The following CDH13 variants were observed in gnomAD, a reference collection of about 807,000 sequenced individuals.
CDH13 encodes cadherin-13.
In CDH13, 24 loss-of-function variants were observed where a neutral mutation model predicts 63.8. The observed-to-expected ratio is 0.38, with a 90% CI of 0.27 to 0.53. CDH13 has a LOEUF of 0.53. CDH13 is among the 20% of genes least tolerant of loss of function. CDH13 has a pLI of 0.85. For missense variants in CDH13, 1,049 were observed against 903.1 expected (o/e 1.16, Z -2.07); for synonymous variants, 503 against 355.3 (o/e 1.42, Z -4.67).
chr16:83,344,855 C>A lies in CDH13; in HGVS notation c.637-7C>A, dbSNP rs2090803305. 2 of 1,613,344 alleles carry A rather than the reference C, an allele frequency of 1.2e-6. No homozygotes were observed. The highest frequency in any genetic ancestry group is 1.1e-5 in the South Asian group (1 of 91,016). On this transcript the variant is annotated splice_polypyrimidine_tract_variant and splice_region_variant and intron_variant, in intron 5 of 13. Coordinates refer to ENST00000567109, the MANE Select transcript of CDH13 (RefSeq NM_001257.5). ...TTCTTTCTCCCCCAATCTCTTTGCTCAAATAGCTATTTGTGGAGACCACTG... is the reference window on the plus strand; with the variant it reads ...TTCTTTCTCCCCCAATCTCTTTGCTAAAATAGCTATTTGTGGAGACCACTG...
chr16:83,138,645 T>C (rs2036400895), intron 4 of CDH13, among the ~76,000 whole-genome samples: 1 of 152,120 alleles, frequency 6.6e-6, no homozygotes, highest in Non-Finnish European at 1.5e-5. Context: ...AAAACTACTG[T>C]ATGGAATTTG....
chr16:83,730,668 T>G (rs1161366065), intron 10 of CDH13, among the ~76,000 whole-genome samples: 2 of 152,218 alleles, frequency 1.3e-5, no homozygotes, highest in Admixed American at 1.3e-4. Flanking sequence ...TGGTTTGTGG[T>G]TTTTTTGAGC....
At chr16:83,380,662 A>T (rs1353768450) in intron 6 of CDH13, among the ~76,000 whole-genome samples, 1 of 152,158 alleles carries the variant, frequency 6.6e-6, no homozygotes, top group African/African-American at 2.4e-5. Context: ...TTCATGGCTC[A>T]AGGTGGCTGA....
At chr16:83,320,360 C>G (rs1215404297) in intron 5 of CDH13, among the ~76,000 whole-genome samples, 1 of 152,058 alleles carries the variant, frequency 6.6e-6, no homozygotes, top group East Asian at 1.9e-4. Flanking sequence ...TTGTCCTTTT[C>G]AGACCCAGAC....
chr16:83,476,739 T>C (rs11644762), intron 6 of CDH13, among the ~76,000 whole-genome samples: 107,328 of 152,142 alleles, frequency 0.71, 38,415 homozygotes, highest in East Asian at 0.95. Flanking sequence ...TTTGTTGTTT[T>C]TAAGAGTTTA....
At chr16:83,452,274 G>C (rs772316266) in intron 6 of CDH13, among the ~76,000 whole-genome samples, 26 of 152,152 alleles carry the variant, frequency 1.7e-4, no homozygotes, top group Non-Finnish European at 3.4e-4. Flanking sequence ...TTGTGCAGAG[G>C]ATTTAGCTGC....
chr16:83,217,808 C>T (rs1243985357), intron 5 of CDH13, among the ~76,000 whole-genome samples: 2 of 152,122 alleles, frequency 1.3e-5, no homozygotes, highest in African/African-American at 2.4e-5. Flanking sequence ...CAGAGACCAG[C>T]TTGATGATCT....
At chr16:82,926,657 GA>G (rs2042312069) in intron 2 of CDH13, among the ~76,000 whole-genome samples, 2 of 152,184 alleles carry the variant, frequency 1.3e-5, no homozygotes, top group African/African-American at 2.4e-5. Context: ...AAGCTTTCGA[GA>G]AGACAGATAA....
chr16:82,823,734 A>C (rs1229157383), intron 1 of CDH13: 1 of 152,166 alleles, frequency 6.6e-6, no homozygotes, highest in Non-Finnish European at 1.5e-5. Flanking sequence ...TTGAAAGATA[A>C]ATGTATATGT....
At chr16:83,265,176 A>G (rs796366729) in intron 5 of CDH13, among the ~76,000 whole-genome samples, 4 of 152,080 alleles carry the variant, frequency 2.6e-5, no homozygotes, top group African/African-American at 7.2e-5. Context: ...AATTCTCTGT[A>G]TTTCTGCTCT....
At chr16:82,857,558 G>A (rs1409431322) in intron 1 of CDH13, among the ~76,000 whole-genome samples, 4 of 152,140 alleles carry the variant, frequency 2.6e-5, no homozygotes, top group African/African-American at 4.8e-5. Flanking sequence ...TCCAAATCAC[G>A]TAACCTAAAT....
At chr16:82,680,111 G>A (rs145820876) in intron 1 of CDH13, among the ~76,000 whole-genome samples, 23 of 152,254 alleles carry the variant, frequency 1.5e-4, no homozygotes, top group Admixed American at 2.6e-4. Context: ...GTCTTCCAGC[G>A]TAGGTCATTG....
In CDH13 at chr16:83,795,321, G is replaced by C; in HGVS notation, c.*291G>C. 2.4e-6 allele frequency: 1 copy of C among 423,688 alleles called. No homozygotes were observed. The highest frequency in any genetic ancestry group is 4.3e-6 in the Non-Finnish European group (1 of 234,346). The allele number at this position is 423,688 out of a possible 1,614,324, so 26.2% of individuals were successfully genotyped here. ...GCAGGAACAATGACTACTTTTTCTGGTGTGTTAACATGTCGCTAGCCAGTG... is the reference window on the plus strand; with the variant it reads ...GCAGGAACAATGACTACTTTTTCTGCTGTGTTAACATGTCGCTAGCCAGTG... On this transcript the variant is annotated 3_prime_UTR_variant, in exon 14 of 14. Coordinates refer to ENST00000567109, the MANE Select transcript of CDH13 (RefSeq NM_001257.5).
intron 5 of CDH13, among the ~76,000 whole-genome samples, chr16:83,257,724 A>T (rs1392230355): frequency 6.6e-6 from 1 of 152,238 alleles, no homozygotes; most frequent in African/African-American, 2.4e-5. Flanking sequence ...TGCTGCAATG[A>T]ACATACATGT....
intron 7 of CDH13, among the ~76,000 whole-genome samples, chr16:83,513,797 A>T (rs2074632246): frequency 6.6e-6 from 1 of 152,202 alleles, no homozygotes; most frequent in Non-Finnish European, 1.5e-5. Context: ...GACACGGCCA[A>T]ACCTTAACAG....
At chr16:82,930,207 C>G (rs1162519415) in intron 2 of CDH13, among the ~76,000 whole-genome samples, 4 of 151,944 alleles carry the variant, frequency 2.6e-5, no homozygotes, top group Non-Finnish European at 1.5e-5. Context: ...GAACTCCTGG[C>G]CTTAAGAGAT....
intron 7 of CDH13, among the ~76,000 whole-genome samples, chr16:83,520,769 C>T (rs1166026545): frequency 6.6e-6 from 1 of 152,166 alleles, no homozygotes; most frequent in Non-Finnish European, 1.5e-5. Flanking sequence ...GCTAGCTTTT[C>T]AGCTGGCCGG....
At chr16:83,715,044 G>A (rs17697326) in intron 10 of CDH13, among the ~76,000 whole-genome samples, 15,915 of 152,146 alleles carry the variant, frequency 0.1, 1,049 homozygotes, top group Non-Finnish European at 0.15. Flanking sequence ...AGCTAGGTTC[G>A]AGAGTAAGAG....
At chr16:82,979,232 G>A (rs948149996) in intron 2 of CDH13, among the ~76,000 whole-genome samples, 4 of 152,152 alleles carry the variant, frequency 2.6e-5, no homozygotes, top group Non-Finnish European at 5.9e-5. Flanking sequence ...AGGCTTGTAG[G>A]CCTCGTCTCA....
Sources: allele counts gnomAD v4.1 joint callset (sites outside exome capture counted in the v4.1 genomes callset), GRCh38; gene constraint gnomAD v4.1.1; transcripts MANE v1.5; gene names NCBI Gene and HGNC (gene_info 2026-07-23, HGNC 2026-07-21).